ZNF567: variants seen among roughly 807,000 people sequenced by gnomAD.
ZNF567 encodes zinc finger protein 567.
Under a neutral mutation model 53.9 loss-of-function variants are expected in ZNF567, and 36 were observed. The ratio of observed to expected loss-of-function variants is 0.67; its 90% CI spans 0.51 to 0.88. The LOEUF (loss-of-function observed/expected upper bound fraction) is 0.88, where lower values mean the gene tolerates loss of function less well. Ranked by LOEUF, ZNF567 falls within the 40% of genes least tolerant of loss-of-function variation. The pLI is 0.00. For synonymous variants in ZNF567, 224 were observed against 260.4 expected (o/e 0.86, Z 1.35); for missense variants, 619 against 764.7 (o/e 0.81, Z 2.25).
chr19:36,670,648 T>G, the ZNF567 span, among the ~76,000 whole-genome samples: 1 of 152,212 alleles, frequency 6.6e-6, no homozygotes, highest in Non-Finnish European at 1.5e-5. Context: ...CAAATGCTTT[T>G]TTCTCCATCC....
upstream of ZNF567, among the ~76,000 whole-genome samples, chr19:36,687,093 A>G (rs1350787002): frequency 1.3e-5 from 2 of 152,166 alleles, no homozygotes; most frequent in Non-Finnish European, 2.9e-5. Context: ...GCAGAAATGA[A>G]GCTTTACCCG....
chr19:36,726,815 T>C (rs945565333), downstream of ZNF567, among the ~76,000 whole-genome samples: 3 of 152,062 alleles, frequency 2.0e-5, no homozygotes, highest in Non-Finnish European at 4.4e-5. Context: ...TCTGCAGTTA[T>C]AGTCCTGGCT....
intron 5 of ZNF567, among the ~76,000 whole-genome samples, chr19:36,713,451 C>CA (rs34536917): frequency 0.32 from 44,351 of 136,588 alleles, 6,700 homozygotes; most frequent in African/African-American, 0.38. Context: ...GAGCCTGTCT[C>CA]AAAAAAAAAA....
At chr19:36,701,618 G>A (rs1249995496) in intron 3 of ZNF567, among the ~76,000 whole-genome samples, 1 of 151,732 alleles carries the variant, frequency 6.6e-6, no homozygotes, top group Non-Finnish European at 1.5e-5. Context: ...CCTGTATTGG[G>A]TGCATATATA....
At chr19:36,717,019 G>GT (rs2040098443) in intron 5 of ZNF567, among the ~76,000 whole-genome samples, 1 of 152,098 alleles carries the variant, frequency 6.6e-6, no homozygotes, top group South Asian at 2.1e-4. Flanking sequence ...AGTAGGGACA[G>GT]TTTCACCATG....
At chr19:36,688,806 C>CAA (rs35120151) in intron 1 of ZNF567, among the ~76,000 whole-genome samples, 112 of 112,130 alleles carry the variant, frequency 1.0e-3, no homozygotes, top group African/African-American at 2.4e-3. Flanking sequence ...GACTCCGTCT[C>CAA]AAAAAAAAAA....
the ZNF567 span, among the ~76,000 whole-genome samples, chr19:36,671,926 T>G: frequency 6.6e-6 from 1 of 152,228 alleles, no homozygotes; most frequent in African/African-American, 2.4e-5. Context: ...AAGGCACACA[T>G]GTGAAGAAGT....
chr19:36,676,401 T>G, the ZNF567 span, among the ~76,000 whole-genome samples: 4 of 151,480 alleles, frequency 2.6e-5, no homozygotes, highest in African/African-American at 9.7e-5. Flanking sequence ...ACTTAACAGT[T>G]CGTTCTGAGG....
upstream of ZNF567, among the ~76,000 whole-genome samples, chr19:36,683,035 A>G (rs528879994): frequency 4.9e-4 from 74 of 150,888 alleles, no homozygotes; most frequent in South Asian, 8.6e-3. Flanking sequence ...CACTTTTTCT[A>G]TCGGGTTTTT....
chr19:36,677,458 CAAAA>C, the ZNF567 span, among the ~76,000 whole-genome samples: 1 of 50,912 alleles, frequency 2.0e-5, no homozygotes, highest in African/African-American at 6.6e-5. Context: ...GACTCTGTCT[CAAAA>C]AAAAAAAAAA....
intron 3 of ZNF567, chr19:36,711,687 T>C (rs939569395): frequency 2.6e-5 from 4 of 152,252 alleles, no homozygotes; most frequent in African/African-American, 9.6e-5. Context: ...TTGTGATACA[T>C]GCTGTATCTT....
Position 36,706,669 on chromosome 19 carries a change from G to GTTTTTTTTTTTTTTTTTTTTTTT in ZNF567, c.10-5706_10-5705insTTTTTTTTTTTTTTTTTTTTTTT, listed in dbSNP as rs374899379. ...CTGATTTCCATCCTTTTTACTGTTG[G>GTTTTTTTTTTTTTTTTTTTTTTT]TTTTTTTTTTTGTTTTTTTTTTGAG... On this transcript the variant is annotated intron_variant, in intron 3 of 5. Coordinates refer to ENST00000682579, the MANE Select transcript of ZNF567 (RefSeq NM_001322917.1). 1.8e-5 allele frequency among the ~76,000 whole-genome samples: 2 copies of GTTTTTTTTTTTTTTTTTTTTTTT among 108,968 alleles called. 1 individual carries two copies. Among genetic ancestry groups the GTTTTTTTTTTTTTTTTTTTTTTT allele is most frequent in the Non-Finnish European group, 3.6e-5 (2 of 55,698 alleles). 71.5% of individuals were successfully genotyped at this position (108,968 alleles called of 152,430 possible). A position where few individuals can be genotyped will look rare whatever the true frequency, so the allele number is the denominator to read the frequency against.
intron 3 of ZNF567, among the ~76,000 whole-genome samples, chr19:36,701,017 G>A (rs2145689505): frequency 1.3e-5 from 2 of 151,380 alleles, no homozygotes; most frequent in East Asian, 3.9e-4. Flanking sequence ...GTGATGTTAG[G>A]GTGTCAATTT....
intron 3 of ZNF567, among the ~76,000 whole-genome samples, chr19:36,697,934 T>A (rs78355529): frequency 2.0e-4 from 30 of 150,424 alleles, no homozygotes; most frequent in Non-Finnish European, 3.4e-4. Flanking sequence ...TTTTTTTTTT[T>A]TTATTATACT....
downstream of ZNF567, chr19:36,727,396 T>C (rs76549879): frequency 1.3e-5 from 2 of 151,580 alleles, no homozygotes; most frequent in African/African-American, 4.9e-5. Context: ...TTTTTTTTTT[T>C]TGAGACGGAG....
chr19:36,718,056 A>G (rs889429717), intron 5 of ZNF567, among the ~76,000 whole-genome samples: 29 of 152,228 alleles, frequency 1.9e-4, no homozygotes. Flanking sequence ...AAAATAATAC[A>G]TAATTATGTA....
downstream of ZNF567, chr19:36,723,127 G>T (rs2040317979): frequency 1.4e-6 from 1 of 702,446 alleles, no homozygotes; most frequent in African/African-American, 1.7e-5. Context: ...TATGCTAACA[G>T]TGGTGACTAA....
chr19:36,725,583 A>G (rs1306845769), downstream of ZNF567, among the ~76,000 whole-genome samples: 1 of 152,192 alleles, frequency 6.6e-6, no homozygotes, highest in Non-Finnish European at 1.5e-5. Context: ...TCTTGTTTAA[A>G]TTCACTCAGC....
At chr19:36,706,083 G>A (rs1178052763) in intron 3 of ZNF567, among the ~76,000 whole-genome samples, 2 of 152,104 alleles carry the variant, frequency 1.3e-5, no homozygotes, top group African/African-American at 2.4e-5. Flanking sequence ...AGGCAGGTTT[G>A]GGTTTCTGGT....
Sources: gnomAD v4.1 joint callset for allele counts (sites outside exome capture counted in the v4.1 genomes callset) on GRCh38, gnomAD v4.1.1 for gene constraint, MANE v1.5 for transcripts, NCBI Gene and HGNC (gene_info 2026-07-23, HGNC 2026-07-21) for gene names.